The following TPM2 variants were observed in gnomAD, a reference collection of about 807,000 sequenced individuals.
The protein encoded by TPM2 is tropomyosin beta chain.
A neutral mutation model predicts 41.0 loss-of-function variants in TPM2; 26 were observed. The observed-to-expected ratio is 0.63, with a 90% CI of 0.46 to 0.88. The LOEUF (loss-of-function observed/expected upper bound fraction) is 0.88, where lower values mean the gene tolerates loss of function less well. Among genes scored for constraint, TPM2 ranks in the 40% least tolerant of loss-of-function variants. The pLI is 0.00. For missense variants in TPM2, 187 were observed against 355.2 expected, an observed-to-expected ratio of 0.53 and a Z score of 3.81; for synonymous variants, 143 against 139.3, an observed-to-expected ratio of 1.03 and a Z score of -0.19.
At chr9:35,682,214 G>A (rs779063624), downstream of TPM2, 13 of 1,592,294 alleles carry the variant, frequency 8.2e-6, no homozygotes, top group Middle Eastern at 1.7e-4. Flanking sequence ...AGGGGGAGAC[G>A]TGGGGAGGCA....
rs776551664 is a variant in TPM2 at position 35,684,228 on chromosome 9, T to C, written c.772+18A>G. The C allele has an allele frequency of 1.9e-6, 3 of 1,613,360 alleles. No homozygotes were observed. Among genetic ancestry groups the C allele is most frequent in the Non-Finnish European group, 2.5e-6 (3 of 1,179,308 alleles). On this transcript the variant is annotated intron_variant, in intron 8 of 8. Coordinates refer to ENST00000645482, the MANE Select transcript of TPM2 (RefSeq NM_003289.4). Reference sequence around the variant, plus strand: ...TAATCACGGCAGGTGTGGACCTACTTATAAAGGCTTCTTTTACCTTCTAGG... The same window carrying C: ...TAATCACGGCAGGTGTGGACCTACTCATAAAGGCTTCTTTTACCTTCTAGG...
chr9:35,682,608 C>A (rs953252746), downstream of TPM2: 12 of 1,283,234 alleles, frequency 9.4e-6, no homozygotes, highest in African/African-American at 1.7e-4. Flanking sequence ...CTTCTTGCCC[C>A]TGTCCTGCAC....
rs1041051353 is a variant in TPM2, at chr9:35,683,256, G to A, written c.773-15C>T. On this transcript the variant is annotated splice_polypyrimidine_tract_variant and intron_variant, in intron 8 of 8. Transcript: ENST00000645482. ...ATAGACTTCATCTGGGGGGGGTCCA[G>A]GGAGGGGACCAGGTGGGAGTGTGGG... 3.2e-6 allele frequency: 5 copies of A among 1,547,468 alleles called. No homozygotes were observed. The African/African-American group carries it at 4.1e-5, about 13-fold the overall frequency.
At chr9:35,682,017 T>C (rs534249967), downstream of TPM2, 792 of 1,545,254 alleles carry the variant, frequency 5.1e-4, no homozygotes, top group Non-Finnish European at 6.7e-4. Flanking sequence ...CTTGAGAGGC[T>C]AGTAACATCA....
chr9:35,686,392 T>A lies in TPM2; in HGVS notation c.241-612A>T, dbSNP rs145092685. 5.7e-3 allele frequency: 922 copies of A among 160,508 alleles called. 7 individuals carry two copies. Among genetic ancestry groups the A allele is most frequent in the African/African-American group, 0.021 (860 of 41,534 alleles). 9.9% of individuals were successfully genotyped at this position (160,508 alleles called of 1,614,324 possible). ...CTGTTCCCTGTGGGAGCACTTCAAG[T>A]GCTGGGGCCAGGTCTGATGCAGCTC... On this transcript the variant is annotated intron_variant, in intron 2 of 8. Transcript: ENST00000645482.
In TPM2 at chr9:35,683,252, T is replaced by C. The variant is rs776371300; in HGVS notation, c.773-11A>G. On this transcript the variant is annotated splice_polypyrimidine_tract_variant and intron_variant, in intron 8 of 8. Coordinates refer to ENST00000645482, the MANE Select transcript of TPM2 (RefSeq NM_003289.4). ...GGGCATAGACTTCATCTGGGGGGGG[T>C]CCAGGGAGGGGACCAGGTGGGAGTG... is the stretch of plus-strand genomic sequence containing the variant. The C allele has an allele frequency of 1.1e-4, 144 of 1,359,766 alleles. No individual in the cohort carries two copies. The highest frequency in any genetic ancestry group is 1.3e-4 in the Non-Finnish European group (130 of 977,632). The allele number at this position is 1,359,766 out of a possible 1,614,324, so 84.2% of individuals were successfully genotyped here. A position where few individuals can be genotyped will look rare whatever the true frequency, so the allele number is the denominator to read the frequency against.
intron 2 of TPM2, among the ~76,000 whole-genome samples, chr9:35,688,413 C>T (rs1825062095): frequency 6.6e-6 from 1 of 152,212 alleles, no homozygotes; most frequent in African/African-American, 2.4e-5. Context: ...CACACCAAAG[C>T]CATATGGCCA....
intron 2 of TPM2, 141 bp downstream of exon 2, chr9:35,689,005 C>T (rs1400931577): frequency 8.0e-6 from 8 of 1,002,086 alleles, no homozygotes; most frequent in Admixed American, 5.5e-5. Context: ...TACCCTAGCC[C>T]TGGTTACTGA....
chr9:35,683,892 C>A (rs1272799152), intron 8 of TPM2: 3 of 373,160 alleles, frequency 8.0e-6, no homozygotes, highest in Non-Finnish European at 1.5e-5. Context: ...ATAAGGGTGC[C>A]ACTCAGAGTG....
chr9:35,685,035 T>C lies in TPM2; in HGVS notation c.564-228A>G, dbSNP rs774864142. On this transcript the variant is annotated intron_variant, in intron 5 of 8. Transcript: ENST00000645482. The surrounding 1 kb of genome is among the most constrained non-coding windows in gnomAD (Gnocchi z 5.0). ...AAGGTGAGCTGAGAGAAGGCGCCAT[T>C]GCCCAGAAAGGTTCAGAGGGGTCAC... 6.2e-7 allele frequency: 1 copy of C among 1,614,102 alleles called. No homozygotes were observed. The highest frequency in any genetic ancestry group is 8.5e-7 in the Non-Finnish European group (1 of 1,180,006).
intron 1 of TPM2, 95 bp from the exon 2 acceptor site, chr9:35,689,366 G>A: frequency 6.4e-7 from 1 of 1,570,140 alleles, no homozygotes; most frequent in Non-Finnish European, 8.6e-7. Context: ...AGATTTGGAG[G>A]CTACTGGGAT....
chr9:35,687,150 TA>T (rs1202571026), intron 2 of TPM2, among the ~76,000 whole-genome samples: 2 of 152,196 alleles, frequency 1.3e-5, no homozygotes, highest in Admixed American at 1.3e-4. Context: ...AATACTCAGT[TA>T]ATCAACAGGA....
At position 35,689,136 on chromosome 9, in the gene TPM2, C is replaced by T. The variant is rs1825107059; in HGVS notation, c.240+10G>A. ...TAACTCCTCCCATTGTCCCCCAAGT[C>T]CACACTCACATCAGTGGCCTTCTTC... On this transcript the variant is annotated intron_variant, in intron 2 of 8. Transcript: ENST00000645482. 6.2e-7 allele frequency: 1 copy of T among 1,614,060 alleles called. No individual in the cohort carries two copies. Among genetic ancestry groups the T allele is most frequent in the Admixed American group, 1.7e-5 (1 of 60,006 alleles).
downstream of TPM2, chr9:35,682,794 G>A (rs2131845111): frequency 1.5e-6 from 2 of 1,351,174 alleles, no homozygotes; most frequent in East Asian, 4.5e-5. Context: ...AGGGGTTTCA[G>A]CGTGGGCCAT....
chr9:35,682,559 C>T (rs1304402883), downstream of TPM2: 3 of 1,241,178 alleles, frequency 2.4e-6, no homozygotes, highest in Non-Finnish European at 2.1e-6. Flanking sequence ...TTGCTGATAT[C>T]CAACATTTTT....
At chr9:35,690,013 C>T (rs1395856864), upstream of TPM2, 2 of 1,427,410 alleles carry the variant, frequency 1.4e-6, no homozygotes, top group East Asian at 2.6e-5. Flanking sequence ...TCGGCCCAAA[C>T]CTTGTAGGGG....
At chr9:35,689,593 C>G in intron 1 of TPM2, 111 bp downstream of exon 1, 1 of 1,580,630 alleles carries the variant, frequency 6.3e-7, no homozygotes, top group Non-Finnish European at 8.6e-7. Context: ...AGCCCCCACC[C>G]TGGGTGAGAG....
chr9:35,682,795 C>T (rs1418480015), downstream of TPM2: 8 of 1,351,182 alleles, frequency 5.9e-6, no homozygotes, highest in South Asian at 1.2e-5. Context: ...GGGGTTTCAG[C>T]GTGGGCCATG....
rs1469622605 is a variant in TPM2 at position 35,689,671 on chromosome 9, G to A, written c.114+33C>T. 4 of 1,609,814 alleles carry A rather than the reference G, an allele frequency of 2.5e-6. No homozygotes were observed. The African/African-American group carries it at 4.0e-5, about 16-fold the overall frequency. On this transcript the variant is annotated intron_variant, in intron 1 of 8. Coordinates refer to ENST00000645482, the MANE Select transcript of TPM2 (RefSeq NM_003289.4). ...GCGGCCCACCCTTGCCCTAGGCGCG[G>A]GGAGAGCAGGCTGCACTGGGCCCGG...
Sources: gnomAD v4.1 joint callset for allele counts (sites outside exome capture counted in the v4.1 genomes callset) on GRCh38, gnomAD v4.1.1 for gene constraint, Gnocchi (gnomAD v3.1) non-coding constraint, MANE v1.5 for transcripts, NCBI Gene and HGNC (gene_info 2026-07-23, HGNC 2026-07-21) for gene names.